Variants in FOXP2 observed in about 807,000 individuals in gnomAD.
FOXP2 encodes the protein forkhead box protein P2.
A neutral mutation model predicts 115.8 loss-of-function variants in FOXP2; 12 were observed. That is an observed-to-expected ratio of 0.10 (90% CI 0.07 to 0.17). The LOEUF is 0.17. FOXP2 is among the 10% of genes least tolerant of loss of function. The probability of loss-of-function intolerance (pLI) is 1.00; values close to 1 mark genes in which losing one functional copy is unlikely to be tolerated. For synonymous variants in FOXP2, 328 were observed against 297.7 expected (o/e 1.10, Z -1.05); for missense variants, 629 against 843.5 (o/e 0.75, Z 3.15).
intron 3 of FOXP2, among the ~76,000 whole-genome samples, chr7:114,541,251 T>C (rs561215062): frequency 6.6e-6 from 1 of 152,076 alleles, no homozygotes; most frequent in African/African-American, 2.4e-5. Context: ...AACACAGAAG[T>C]GATAGATGAA....
At chr7:114,330,889 A>C (rs901711894) in intron 2 of FOXP2, among the ~76,000 whole-genome samples, 8 of 152,222 alleles carry the variant, frequency 5.3e-5, no homozygotes, top group African/African-American at 1.7e-4. Context: ...ACAACTGGGA[A>C]TCCCTTCCTT....
rs564716066 is a variant in FOXP2 at position 114,619,774 on chromosome 7, C to A, written c.259-8766C>A. Among the ~76,000 whole-genome samples, 3 of 152,000 alleles carry A rather than the reference C, an allele frequency of 2.0e-5. No individual in the cohort carries two copies. The East Asian group carries it at 5.8e-4, about 29-fold the overall frequency. On this transcript the variant is annotated intron_variant, in intron 3 of 16. Coordinates refer to ENST00000350908, the MANE Select transcript of FOXP2 (RefSeq NM_014491.4). ...CTGTGAAAGTATTGTCCAAAAGTACCAAATATGAGTTATATTATTATCTCA... is the reference window on the plus strand; with the variant it reads ...CTGTGAAAGTATTGTCCAAAAGTACAAAATATGAGTTATATTATTATCTCA...
intron 1 of FOXP2, among the ~76,000 whole-genome samples, chr7:114,281,690 T>C (rs1796341256): frequency 6.6e-6 from 1 of 152,196 alleles, no homozygotes; most frequent in Non-Finnish European, 1.5e-5. Context: ...AACTTGAAGC[T>C]AGAAAGAAAT....
intron 1 of FOXP2, among the ~76,000 whole-genome samples, chr7:114,233,611 C>A (rs909158352): frequency 2.0e-5 from 3 of 152,208 alleles, no homozygotes; most frequent in Non-Finnish European, 2.9e-5. Flanking sequence ...TAATGTTATA[C>A]ATACAGTGCT....
intron 3 of FOXP2, among the ~76,000 whole-genome samples, chr7:114,545,708 A>G (rs756592852): frequency 2.0e-5 from 3 of 152,154 alleles, no homozygotes; most frequent in Admixed American, 6.6e-5. Flanking sequence ...ATATCAAACT[A>G]CTTATAGTTA....
intron 3 of FOXP2, among the ~76,000 whole-genome samples, chr7:114,555,612 C>T (rs1023316858): frequency 3.3e-5 from 5 of 152,030 alleles, no homozygotes; most frequent in Non-Finnish European, 7.4e-5. Flanking sequence ...GCCTGACCAA[C>T]ATGGTGAAAC....
chr7:114,302,223 T>C (rs1343746119), intron 2 of FOXP2, among the ~76,000 whole-genome samples: 1 of 152,176 alleles, frequency 6.6e-6, no homozygotes, highest in Non-Finnish European at 1.5e-5. Flanking sequence ...CAGTGGTTGG[T>C]AGAGCATGCA....
chr7:114,094,478 A>G (rs1375148977), intron 1 of FOXP2, among the ~76,000 whole-genome samples: 1 of 152,150 alleles, frequency 6.6e-6, no homozygotes, highest in Non-Finnish European at 1.5e-5. Context: ...TTGATAATGA[A>G]GGAGAATGTC....
At chr7:114,648,716 C>T (rs1806059173) in intron 8 of FOXP2, among the ~76,000 whole-genome samples, 1 of 152,012 alleles carries the variant, frequency 6.6e-6, no homozygotes, top group Admixed American at 6.6e-5. Context: ...TTGATACTAC[C>T]TACCTAACAC....
chr7:114,191,130 A>G (rs1331554559), intron 1 of FOXP2, among the ~76,000 whole-genome samples: 1 of 152,022 alleles, frequency 6.6e-6, no homozygotes, highest in Non-Finnish European at 1.5e-5. Context: ...TTTTGTTGCT[A>G]TTGTCTTCCT....
chr7:114,385,120 C>T (rs546204178), intron 2 of FOXP2, among the ~76,000 whole-genome samples: 240 of 151,730 alleles, frequency 1.6e-3, no homozygotes, highest in Non-Finnish European at 2.5e-3. Context: ...TGGTGGGGAA[C>T]GGGTCCCACA....
chr7:114,191,630 G>A (rs1793763836), intron 1 of FOXP2, among the ~76,000 whole-genome samples: 1 of 152,150 alleles, frequency 6.6e-6, no homozygotes, highest in Admixed American at 6.5e-5. Flanking sequence ...CAAAATAGAA[G>A]TTTTAGGTTT....
intron 2 of FOXP2, among the ~76,000 whole-genome samples, chr7:114,495,940 AACATTTTTT>A (rs1318439748): frequency 6.6e-6 from 1 of 152,194 alleles, no homozygotes; most frequent in East Asian, 1.9e-4. Context: ...TAGTTGCCAA[AACATTTTTT>A]TTCTTTAGCC....
intron 6 of FOXP2, among the ~76,000 whole-genome samples, chr7:114,636,987 A>G (rs1463616224): frequency 6.6e-6 from 1 of 152,140 alleles, no homozygotes; most frequent in East Asian, 1.9e-4. Context: ...TAGCCTGGGC[A>G]ACATAGTGAG....
intron 2 of FOXP2, among the ~76,000 whole-genome samples, chr7:114,442,178 C>T (rs776666168): frequency 2.0e-5 from 3 of 152,016 alleles, no homozygotes; most frequent in Non-Finnish European, 2.9e-5. Flanking sequence ...TGATATATGC[C>T]ACAATATACA....
At chr7:114,321,257 G>T (rs1372991886) in intron 2 of FOXP2, among the ~76,000 whole-genome samples, 1 of 151,718 alleles carries the variant, frequency 6.6e-6, no homozygotes, top group Non-Finnish European at 1.5e-5. Context: ...GGAGTGCAGT[G>T]GTGCTATCTT....
intron 2 of FOXP2, among the ~76,000 whole-genome samples, chr7:114,335,871 C>A (rs535930739): frequency 2.0e-5 from 3 of 150,522 alleles, no homozygotes; most frequent in East Asian, 1.9e-4. Flanking sequence ...TTTTCTATTC[C>A]TAACAAAAAA....
chr7:114,657,914 A>T (rs1806671748), intron 10 of FOXP2, 152 bp from the exon 11 acceptor site: 2 of 762,674 alleles, frequency 2.6e-6, no homozygotes, highest in Admixed American at 4.0e-5. Flanking sequence ...ATACAATTTC[A>T]TCCTGTAATT....
chr7:114,439,596 A>C (rs1010242072), intron 2 of FOXP2, among the ~76,000 whole-genome samples: 3 of 152,064 alleles, frequency 2.0e-5, no homozygotes, highest in Non-Finnish European at 4.4e-5. Flanking sequence ...GGCTGGATGG[A>C]GTGCAGTGGC....
Sources: gnomAD v4.1 joint callset for allele counts (sites outside exome capture counted in the v4.1 genomes callset) on GRCh38, gnomAD v4.1.1 for gene constraint, MANE v1.5 for transcripts, NCBI Gene and HGNC (gene_info 2026-07-23, HGNC 2026-07-21) for gene names.